Variants in CD163L1 observed in about 807,000 individuals in gnomAD.
CD163L1 encodes CD163 molecule like 1, also known as scavenger receptor cysteine-rich type 1 protein M160.
CD163L1 carries 124 observed loss-of-function variants against 165.4 expected under a neutral mutation model. The ratio of observed to expected loss-of-function variants is 0.75; its 90% CI spans 0.65 to 0.87. The LOEUF (loss-of-function observed/expected upper bound fraction) is 0.87. CD163L1 is among the 40% of genes least tolerant of loss of function. The pLI is 0.00. For missense variants in CD163L1, 1,525 were observed against 1,799.9 expected (o/e 0.85, Z 2.76); for synonymous variants, 585 against 662.2 (o/e 0.88, Z 1.79).
chr12:7,324,493 C>A, the CD163L1 span: 1 of 1,613,958 alleles, frequency 6.2e-7, no homozygotes. Flanking sequence ...TTCTTTTCCT[C>A]TTCAGGTACC....
At chr12:7,356,853 T>C (rs1946787011) in intron 19 of CD163L1, among the ~76,000 whole-genome samples, 1 of 152,164 alleles carries the variant, frequency 6.6e-6, no homozygotes, top group African/African-American at 2.4e-5. Flanking sequence ...AGTGCTTGTT[T>C]TTCTAAACCT....
intron 4 of CD163L1, among the ~76,000 whole-genome samples, chr12:7,417,422 G>T (rs12299964): frequency 0.075 from 11,381 of 151,986 alleles, 451 homozygotes; most frequent in African/African-American, 0.11. Context: ...TTGCCTGATT[G>T]CCCTGGCCAG....
intron 2 of CD163L1, chr12:7,439,509 T>A: frequency 6.3e-7 from 1 of 1,581,812 alleles, no homozygotes. Context: ...TTTTCTCCTC[T>A]CTCTGCCTTA....
At chr12:7,435,341 G>C (rs1948701264) in intron 2 of CD163L1, among the ~76,000 whole-genome samples, 1 of 151,674 alleles carries the variant, frequency 6.6e-6, no homozygotes, top group Admixed American at 6.6e-5. Flanking sequence ...CATATATTAT[G>C]ACTATGGACT....
Position 7,375,524 on chromosome 12 carries a change from G to A in CD163L1, c.2758C>T (p.His920Tyr). The change falls in exon 11 of 20, where the codon CAC (histidine) becomes TAC (tyrosine). Residue 920 changes from histidine to tyrosine, a missense_variant. His to Tyr is a moderately conservative substitution (Grantham distance 83, BLOSUM62 2). Transcript: ENST00000313599. ...TGGGTGTCACACAGTGAGCCCCAGT[G>A]TCCAAGCACGTTGATCTCCACTTGC... ...DGQVEINVLG[H>Y]WGSLCDTHWD... is the part of the protein sequence containing the mutation. 6.2e-7 allele frequency: 1 copy of A among 1,614,014 alleles called. No individual in the cohort carries two copies. Among genetic ancestry groups the A allele is most frequent in the African/African-American group, 1.3e-5 (1 of 75,038 alleles).
At chr12:7,427,869 C>G (rs1157547955) in intron 4 of CD163L1, among the ~76,000 whole-genome samples, 1 of 152,030 alleles carries the variant, frequency 6.6e-6, no homozygotes, top group Non-Finnish European at 1.5e-5. Context: ...TTCTTTTGCT[C>G]TTAGTTAAGT....
At chr12:7,353,588 A>C (rs1340499419), downstream of CD163L1, among the ~76,000 whole-genome samples, 1 of 152,044 alleles carries the variant, frequency 6.6e-6, no homozygotes, top group Non-Finnish European at 1.5e-5. Context: ...ATGGAAGTTT[A>C]AAAAATAATG....
At chr12:7,334,995 T>C in the CD163L1 span, among the ~76,000 whole-genome samples, 2 of 151,966 alleles carry the variant, frequency 1.3e-5, no homozygotes, top group African/African-American at 4.8e-5. Context: ...TAAAAGAGGA[T>C]ACAAACAAAT....
intron 18 of CD163L1, among the ~76,000 whole-genome samples, chr12:7,359,153 A>G (rs1326537129): frequency 6.6e-6 from 1 of 152,134 alleles, no homozygotes; most frequent in East Asian, 1.9e-4. Flanking sequence ...AAGGAGAAAA[A>G]GGTGAGAAAC....
At chr12:7,388,693 G>C (rs1947574750) in intron 8 of CD163L1, among the ~76,000 whole-genome samples, 1 of 148,126 alleles carries the variant, frequency 6.8e-6, no homozygotes, top group African/African-American at 2.5e-5. Flanking sequence ...GCAGTGAGCT[G>C]AGATTGTGCC....
chr12:7,403,423 G>GT, intron 6 of CD163L1, 112 bp downstream of exon 6: 5 of 1,029,102 alleles, frequency 4.9e-6, no homozygotes, highest in East Asian at 2.5e-5. Context: ...GAGTATTTTG[G>GT]GTTTTTTTTT....
chr12:7,336,403 C>T, the CD163L1 span, among the ~76,000 whole-genome samples: 8 of 151,994 alleles, frequency 5.3e-5, no homozygotes, highest in South Asian at 2.1e-4. Context: ...CAAACTATTG[C>T]GAGGACAAAA....
Position 7,357,380 on chromosome 12 carries a change from C to G in CD163L1, c.*24G>C. 1 of 1,599,854 alleles carries G rather than the reference C, an allele frequency of 6.3e-7. No homozygotes were observed. ...GTAGGAACAATACTTCTCAACTTACCTGGTGAGCCCTGGAAGTCTAAAGTC... is the reference window on the plus strand; with the variant it reads ...GTAGGAACAATACTTCTCAACTTACGTGGTGAGCCCTGGAAGTCTAAAGTC... On this transcript the variant is annotated splice_region_variant and 3_prime_UTR_variant, in exon 19 of 20. Coordinates refer to ENST00000313599, the MANE Select transcript of CD163L1 (RefSeq NM_174941.6).
In CD163L1 at chr12:7,373,324, A is replaced by C; in HGVS notation, c.3726T>G (p.Cys1242Trp). ...SSPAEETWIT[C>W]EDRIRVRGGD... ...GGTGTTTAGAAAGATACCCACCTTC[A>C]CATGTGATCCAGGTCTCTTCTGCTG... Residue 1242 changes from cysteine to tryptophan, a missense_variant, in exon 14 of 20, where the codon TGT (cysteine) becomes TGG (tryptophan). By Grantham distance (215) the Cys-to-Trp change is radical. Coordinates refer to ENST00000313599, the MANE Select transcript of CD163L1 (RefSeq NM_174941.6). 1.2e-6 allele frequency: 2 copies of C among 1,602,502 alleles called. No homozygotes were observed. The highest frequency in any genetic ancestry group is 2.2e-5 in the South Asian group (2 of 89,926).
intron 8 of CD163L1, among the ~76,000 whole-genome samples, chr12:7,380,289 GTGT>G (rs1359370126): frequency 7.9e-6 from 1 of 126,440 alleles, no homozygotes; most frequent in Admixed American, 7.9e-5. Context: ...GTGTGTGTGT[GTGT>G]GTGTGTGTGT....
At chr12:7,359,643 T>C (rs1946851235) in intron 18 of CD163L1, among the ~76,000 whole-genome samples, 1 of 152,038 alleles carries the variant, frequency 6.6e-6, no homozygotes, top group African/African-American at 2.4e-5. Context: ...ATGATATAGT[T>C]CAGAAGCTCT....
intron 9 of CD163L1, among the ~76,000 whole-genome samples, chr12:7,376,947 A>T (rs1288979090): frequency 6.6e-6 from 1 of 152,220 alleles, no homozygotes; most frequent in Non-Finnish European, 1.5e-5. Flanking sequence ...AGGTTAAATC[A>T]GTATTCTGCC....
downstream of CD163L1, among the ~76,000 whole-genome samples, chr12:7,344,928 GC>G (rs1946659083): frequency 6.6e-6 from 1 of 152,206 alleles, no homozygotes; most frequent in Non-Finnish European, 1.5e-5. Context: ...AGGGCAGTAG[GC>G]CCTGGGCCTG....
intron 18 of CD163L1, among the ~76,000 whole-genome samples, chr12:7,362,134 T>G (rs1054850203): frequency 6.8e-6 from 1 of 147,142 alleles, no homozygotes; most frequent in Non-Finnish European, 1.5e-5. Context: ...ACTTGTATAT[T>G]ATATATACTA....
Sources: allele counts gnomAD v4.1 joint callset (sites outside exome capture counted in the v4.1 genomes callset), GRCh38; gene constraint gnomAD v4.1.1; transcripts MANE v1.5; gene names NCBI Gene and HGNC (gene_info 2026-07-23, HGNC 2026-07-21).